ABCB5: variants seen among roughly 807,000 people sequenced by gnomAD.
The protein encoded by ABCB5 is ATP-binding cassette sub-family B member 5.
In ABCB5, 155 loss-of-function variants were observed where a neutral mutation model predicts 144.2. The ratio of observed to expected loss-of-function variants is 1.08; its 90% CI spans 0.94 to 1.23. The LOEUF is 1.23. ABCB5 is among the 50% of genes most tolerant of loss of function. The probability of loss-of-function intolerance (pLI) is 0.00; values close to 1 mark genes in which losing one functional copy is unlikely to be tolerated. For synonymous variants in ABCB5, 610 were observed against 528.6 expected (o/e 1.15, Z -2.11); for missense variants, 1,830 against 1,520.8 (o/e 1.20, Z -3.38).
chr7:20,654,764 A>C (rs1467977874), intron 13 of ABCB5, among the ~76,000 whole-genome samples: 5 of 152,192 alleles, frequency 3.3e-5, no homozygotes, highest in Non-Finnish European at 7.3e-5. Flanking sequence ...ATGAAAAACT[A>C]TTCTGAACTA....
chr7:20,629,836 G>C (rs759212344), intron 4 of ABCB5, among the ~76,000 whole-genome samples: 1 of 152,150 alleles, frequency 6.6e-6, no homozygotes, highest in South Asian at 2.1e-4. Flanking sequence ...TTTCAGTTTA[G>C]TAGCTACTTA....
At chr7:20,752,991 C>T (rs1782978383) in intron 26 of ABCB5, among the ~76,000 whole-genome samples, 1 of 152,174 alleles carries the variant, frequency 6.6e-6, no homozygotes, top group African/African-American at 2.4e-5. Context: ...GTTGTTTTTA[C>T]TACTGCGAAT....
chr7:20,627,356 G>A (rs1456591716), intron 3 of ABCB5, among the ~76,000 whole-genome samples: 2 of 152,198 alleles, frequency 1.3e-5, no homozygotes, highest in Non-Finnish European at 2.9e-5. Flanking sequence ...AATGCTGAAT[G>A]CAATGCTGTG....
chr7:20,618,508 G>A (rs150620790), intron 1 of ABCB5, among the ~76,000 whole-genome samples: 1 of 151,994 alleles, frequency 6.6e-6, no homozygotes, highest in Non-Finnish European at 1.5e-5. Context: ...TAATCCCTTC[G>A]CCCAGGTAGT....
At chr7:20,653,726 G>C (rs1254799045) in intron 13 of ABCB5, among the ~76,000 whole-genome samples, 1 of 152,166 alleles carries the variant, frequency 6.6e-6, no homozygotes, top group African/African-American at 2.4e-5. Flanking sequence ...ATGAGGCAGG[G>C]GCAGAAGCCC....
At chr7:20,679,721 C>T (rs1037482138) in intron 14 of ABCB5, among the ~76,000 whole-genome samples, 10 of 152,058 alleles carry the variant, frequency 6.6e-5, no homozygotes, top group Admixed American at 2.0e-4. Flanking sequence ...CGAGAAAATG[C>T]AAATAAAAAT....
intron 5 of ABCB5, among the ~76,000 whole-genome samples, chr7:20,637,373 T>G (rs576757707): frequency 1.2e-4 from 19 of 152,270 alleles, no homozygotes; most frequent in African/African-American, 4.6e-4. Context: ...GGACTACTGC[T>G]GGTCAATATG....
intron 7 of ABCB5, among the ~76,000 whole-genome samples, chr7:20,645,067 T>C (rs1690060729): frequency 1.3e-5 from 2 of 152,188 alleles, no homozygotes; most frequent in African/African-American, 2.4e-5. Flanking sequence ...TATTCATTGA[T>C]CATGGAGAGG....
At chr7:20,652,862 G>C (rs1770454877) in intron 13 of ABCB5, among the ~76,000 whole-genome samples, 1 of 152,184 alleles carries the variant, frequency 6.6e-6, no homozygotes, top group Non-Finnish European at 1.5e-5. Context: ...CACAATAACA[G>C]AAATGTTTAT....
At chr7:20,691,227 C>T (rs1786217504) in intron 16 of ABCB5, among the ~76,000 whole-genome samples, 1 of 113,112 alleles carries the variant, frequency 8.8e-6, no homozygotes, top group Non-Finnish European at 1.6e-5. Context: ...TCTTGTTGCT[C>T]AGGCTAGAGT....
At position 20,658,692 on chromosome 7, in the gene ABCB5, C is replaced by T. The variant is rs375429868; in HGVS notation, c.1707+16C>T. ...ACTGGAGAAGGTAAGTGAGCAGAAA[C>T]GTTTCTTATTTCCATACTCCTGGTT... On this transcript the variant is annotated intron_variant, in intron 14 of 27. Transcript: ENST00000404938. 2.4e-5 allele frequency: 38 copies of T among 1,611,626 alleles called. No homozygotes were observed. Among genetic ancestry groups the T allele is most frequent in the South Asian group, 5.5e-5 (5 of 90,554 alleles).
At chr7:20,682,658 C>T (rs1350564833) in intron 15 of ABCB5, among the ~76,000 whole-genome samples, 2 of 152,158 alleles carry the variant, frequency 1.3e-5, no homozygotes, top group Non-Finnish European at 2.9e-5. Context: ...TGAGACTTAA[C>T]GTATGTAGGA....
At chr7:20,724,073 G>A (rs534111295) in intron 21 of ABCB5, among the ~76,000 whole-genome samples, 7 of 152,080 alleles carry the variant, frequency 4.6e-5, no homozygotes, top group South Asian at 2.1e-4. Flanking sequence ...CCTGTCAAGC[G>A]TCCATCCCCA....
intron 14 of ABCB5, chr7:20,659,699 A>T: frequency 1.0e-6 from 1 of 987,416 alleles, no homozygotes; most frequent in South Asian, 4.7e-5. Context: ...ATACTTAGTA[A>T]CTAGGACAGG....
In ABCB5 at chr7:20,756,774, G is replaced by T. The variant is rs1297031344; in HGVS notation, c.*1150G>T. ...AATGTGTGAATGATTTTAAAGTTCT[G>T]TGTAAATAACAATATTGGTAAAATG... is the stretch of plus-strand genomic sequence containing the variant. On this transcript the variant is annotated 3_prime_UTR_variant, in exon 28 of 28. Coordinates refer to ENST00000404938, the MANE Select transcript of ABCB5 (RefSeq NM_001163941.2). The T allele has an allele frequency of 6.6e-6, 1 of 152,070 alleles. No individual in the cohort carries two copies. The highest frequency in any genetic ancestry group is 1.5e-5 in the Non-Finnish European group (1 of 68,008). 9.4% of individuals were successfully genotyped at this position (152,070 alleles called of 1,614,324 possible).
chr7:20,741,260 T>C (rs1222978919), intron 24 of ABCB5, among the ~76,000 whole-genome samples: 1 of 152,110 alleles, frequency 6.6e-6, no homozygotes, highest in Non-Finnish European at 1.5e-5. Flanking sequence ...ATCGTAAGAA[T>C]AAATTTTAAA....
intron 5 of ABCB5, among the ~76,000 whole-genome samples, chr7:20,635,695 C>A (rs1280913825): frequency 1.3e-5 from 2 of 151,840 alleles, no homozygotes; most frequent in Non-Finnish European, 2.9e-5. Flanking sequence ...TGATTTGATT[C>A]TCATTTTGAT....
intron 16 of ABCB5, among the ~76,000 whole-genome samples, chr7:20,691,175 T>C (rs1034400813): frequency 0.015 from 1,699 of 110,366 alleles, 67 homozygotes; most frequent in African/African-American, 0.078. Flanking sequence ...GGACTTTTTT[T>C]TTTTTTTTTT....
Position 20,728,409 on chromosome 7 carries a change from G to C in ABCB5, c.2821G>C (p.Ala941Pro). The change falls in exon 23 of 28, where the codon GCC becomes CCC. Residue 941 changes from alanine to proline, a missense_variant. Transcript: ENST00000404938. ...CTATGCGGCAGGGTTTCGATTTGGA[G>C]CCTATTTAATTCAAGCTGGACGAAT... ...FAYAAGFRFG[A>P]YLIQAGRMTP... The C allele has an allele frequency of 6.2e-7, 1 of 1,614,154 alleles. No homozygotes were observed. Among genetic ancestry groups the C allele is most frequent in the African/African-American group, 1.3e-5 (1 of 75,058 alleles).
Sources: allele counts gnomAD v4.1 joint callset (sites outside exome capture counted in the v4.1 genomes callset), GRCh38; gene constraint gnomAD v4.1.1; transcripts MANE v1.5; gene names NCBI Gene and HGNC (gene_info 2026-07-23, HGNC 2026-07-21).